The following DPF3 variants were observed in gnomAD, a reference collection of about 807,000 sequenced individuals.
The protein encoded by DPF3 is double PHD fingers 3, also known as zinc finger protein DPF3.
DPF3 carries 18 observed loss-of-function variants against 56.8 expected under a neutral mutation model. That is an observed-to-expected ratio of 0.32 (90% CI 0.22 to 0.47). The LOEUF is 0.47. Among genes scored for constraint, DPF3 ranks in the 20% least tolerant of loss-of-function variants. The pLI is 1.00. For synonymous variants in DPF3, 188 were observed against 180.2 expected (o/e 1.04, Z -0.35); for missense variants, 403 against 488.8 (o/e 0.82, Z 1.65).
intron 8 of DPF3, among the ~76,000 whole-genome samples, chr14:72,647,871 A>ACACC (rs557361013): frequency 2.4e-4 from 37 of 152,332 alleles, no homozygotes; most frequent in African/African-American, 8.2e-4. Flanking sequence ...AGTGAGGCAG[A>ACACC]CACCATCAAT....
intron 1 of DPF3, among the ~76,000 whole-genome samples, chr14:72,863,600 G>A (rs1861162): frequency 0.26 from 39,308 of 150,094 alleles, 5,406 homozygotes; most frequent in East Asian, 0.5. Context: ...AAAAGGGCAC[G>A]TGTGTCTGCC....
At chr14:72,707,149 C>T (rs1423131031) in intron 6 of DPF3, among the ~76,000 whole-genome samples, 1 of 152,122 alleles carries the variant, frequency 6.6e-6, no homozygotes, top group African/African-American at 2.4e-5. Flanking sequence ...CTACAAAGGA[C>T]ATGAACTCAT....
chr14:72,827,735 C>G (rs1194875564), intron 1 of DPF3, among the ~76,000 whole-genome samples: 1 of 151,982 alleles, frequency 6.6e-6, no homozygotes, highest in Non-Finnish European at 1.5e-5. Flanking sequence ...CTGCCTCAGC[C>G]TCCCAAAGTG....
chr14:72,803,322 T>C (rs891621436), intron 1 of DPF3, among the ~76,000 whole-genome samples: 1 of 152,124 alleles, frequency 6.6e-6, no homozygotes, highest in Non-Finnish European at 1.5e-5. Context: ...CAATGGTTCT[T>C]AGTCAAAAAA....
chr14:72,808,772 C>G (rs990231199), intron 1 of DPF3, among the ~76,000 whole-genome samples: 34 of 152,160 alleles, frequency 2.2e-4, no homozygotes, highest in Admixed American at 2.2e-3. Context: ...CTTCTTCTAC[C>G]AGGAAACCAG....
intron 2 of DPF3, among the ~76,000 whole-genome samples, chr14:72,766,848 A>G (rs1891307623): frequency 6.6e-6 from 1 of 152,208 alleles, no homozygotes; most frequent in African/African-American, 2.4e-5. Context: ...AAAAGACCTC[A>G]AGAAAATCCT....
At chr14:72,658,560 C>G (rs1478452205) in intron 8 of DPF3, among the ~76,000 whole-genome samples, 1 of 152,010 alleles carries the variant, frequency 6.6e-6, no homozygotes, top group Non-Finnish European at 1.5e-5. Flanking sequence ...TACAACTCTA[C>G]CCAGAGTTCT....
intron 8 of DPF3, among the ~76,000 whole-genome samples, chr14:72,659,443 G>C (rs1200748504): frequency 6.6e-6 from 1 of 152,150 alleles, no homozygotes; most frequent in Admixed American, 6.5e-5. Flanking sequence ...GAAAAAGTCA[G>C]TCCCTGTCCT....
intron 8 of DPF3, among the ~76,000 whole-genome samples, chr14:72,636,095 T>G (rs1228609876): frequency 2.0e-5 from 3 of 152,208 alleles, no homozygotes; most frequent in Non-Finnish European, 4.4e-5. Flanking sequence ...ATTGTGCTCC[T>G]TATTCTGATG....
intron 1 of DPF3, among the ~76,000 whole-genome samples, chr14:72,858,205 G>A (rs929674026): frequency 1.3e-5 from 2 of 151,702 alleles, no homozygotes; most frequent in Non-Finnish European, 2.9e-5. Flanking sequence ...CTACTCAGGA[G>A]GCTAAGGTGG....
At chr14:72,723,974 T>G (rs1345859908) in intron 4 of DPF3, 7 of 379,380 alleles carry the variant, frequency 1.8e-5, no homozygotes, top group Non-Finnish European at 3.2e-5. Flanking sequence ...CCTTTTTCCA[T>G]TCTTTTTGCC....
chr14:72,695,838 TA>T (rs928460853), intron 6 of DPF3, among the ~76,000 whole-genome samples: 2 of 152,032 alleles, frequency 1.3e-5, no homozygotes, highest in Non-Finnish European at 2.9e-5. Context: ...TCTAAAAAAA[TA>T]AAAAATTAAA....
At chr14:72,662,874 C>T (rs1242595290) in intron 8 of DPF3, 1 of 963,684 alleles carries the variant, frequency 1.0e-6, no homozygotes, top group African/African-American at 1.8e-5. Flanking sequence ...CAAAAAACAA[C>T]AGCATGGAAC....
At chr14:72,655,256 A>C (rs1405439361) in intron 8 of DPF3, among the ~76,000 whole-genome samples, 1 of 152,198 alleles carries the variant, frequency 6.6e-6, no homozygotes, top group African/African-American at 2.4e-5. Flanking sequence ...TTTCTGAAGC[A>C]GAATTTTTGT....
At chr14:72,762,637 A>G (rs1395214820) in intron 2 of DPF3, among the ~76,000 whole-genome samples, 1 of 151,956 alleles carries the variant, frequency 6.6e-6, no homozygotes, top group African/African-American at 2.4e-5. Context: ...AGCTAATGTC[A>G]TACTTAATAA....
At chr14:72,757,313 TTA>T (rs1411707065) in intron 2 of DPF3, among the ~76,000 whole-genome samples, 3 of 152,162 alleles carry the variant, frequency 2.0e-5, no homozygotes, top group African/African-American at 4.8e-5. Flanking sequence ...GGAGAATTTA[TTA>T]TGTCACAGGA....
chr14:72,732,691 A>G (rs1462346780), intron 3 of DPF3, among the ~76,000 whole-genome samples: 1 of 152,156 alleles, frequency 6.6e-6, no homozygotes, highest in Non-Finnish European at 1.5e-5. Flanking sequence ...TGGGGTTGCC[A>G]GCAGAGAAGT....
At chr14:72,753,787 T>A (rs1172935546) in intron 2 of DPF3, among the ~76,000 whole-genome samples, 2 of 152,102 alleles carry the variant, frequency 1.3e-5, no homozygotes, top group Non-Finnish European at 2.9e-5. Flanking sequence ...GTTGGCCTAC[T>A]GTATGGACAG....
intron 7 of DPF3, among the ~76,000 whole-genome samples, chr14:72,687,614 C>T (rs1328238883): frequency 6.6e-6 from 1 of 152,180 alleles, no homozygotes; most frequent in East Asian, 1.9e-4. Flanking sequence ...TTCCAATTGT[C>T]TGAATGTGCC....
Sources: allele counts gnomAD v4.1 joint callset (sites outside exome capture counted in the v4.1 genomes callset), GRCh38; gene constraint gnomAD v4.1.1; transcripts MANE v1.5; gene names NCBI Gene and HGNC (gene_info 2026-07-23, HGNC 2026-07-21).